Variants in LMX1A observed in about 807,000 individuals in gnomAD.
LMX1A encodes LIM homeobox transcription factor 1-alpha.
In LMX1A, 15 loss-of-function variants were observed where a neutral mutation model predicts 49.1. The ratio of observed to expected loss-of-function variants is 0.31; its 90% confidence interval spans 0.20 to 0.47. The LOEUF (loss-of-function observed/expected upper bound fraction) is 0.47, where lower values mean the gene tolerates loss of function less well. Ranked by LOEUF, LMX1A falls within the 20% of genes least tolerant of loss-of-function variation. The pLI, the probability that LMX1A is intolerant of heterozygous loss-of-function variation, is 1.00. For missense variants in LMX1A, 372 were observed against 475.8 expected (o/e 0.78, Z 2.03); for synonymous variants, 167 against 185.7 (o/e 0.90, Z 0.82).
intron 3 of LMX1A, among the ~76,000 whole-genome samples, chr1:165,319,002 CACA>C (rs1655302038): frequency 2.6e-5 from 1 of 38,678 alleles, no homozygotes; most frequent in Non-Finnish European, 6.2e-5. Flanking sequence ...CTCTCTCTCA[CACA>C]CACACACACA....
chr1:165,343,180 C>T (rs1656130701), intron 3 of LMX1A, among the ~76,000 whole-genome samples: 1 of 152,026 alleles, frequency 6.6e-6, no homozygotes, highest in Non-Finnish European at 1.5e-5. Flanking sequence ...AAAAGTGAAC[C>T]TTTGAGTTTG....
chr1:165,267,484 CAT>C (rs1653661816), intron 3 of LMX1A, among the ~76,000 whole-genome samples: 1 of 152,134 alleles, frequency 6.6e-6, no homozygotes, highest in African/African-American at 2.4e-5. Context: ...CTGCTATGAA[CAT>C]GTGTGCATAT....
intron 3 of LMX1A, among the ~76,000 whole-genome samples, chr1:165,295,883 G>A (rs1010611414): frequency 6.6e-6 from 1 of 152,130 alleles, no homozygotes; most frequent in Non-Finnish European, 1.5e-5. Flanking sequence ...GAACATATGG[G>A]CCTGGAATCT....
chr1:165,207,104 A>C (rs1651117686), intron 7 of LMX1A, among the ~76,000 whole-genome samples: 2 of 152,330 alleles, frequency 1.3e-5, no homozygotes, highest in East Asian at 1.9e-4. Context: ...AAGCTTGTTA[A>C]AAAGGCAGAA....
chr1:165,205,726 T>A, intron 8 of LMX1A, 138 bp downstream of exon 8: 1 of 734,474 alleles, frequency 1.4e-6, no homozygotes, highest in Non-Finnish European at 2.3e-6. Context: ...GTTAGGCGAT[T>A]CTGGCAGTAT....
chr1:165,208,813 A>AT (rs1651222536), intron 6 of LMX1A, among the ~76,000 whole-genome samples: 1 of 150,966 alleles, frequency 6.6e-6, no homozygotes, highest in Non-Finnish European at 1.5e-5. Context: ...CGCCTGGCTA[A>AT]TTTTTTTGTA....
At chr1:165,220,660 T>G (rs1309226596) in intron 4 of LMX1A, among the ~76,000 whole-genome samples, 1 of 152,248 alleles carries the variant, frequency 6.6e-6, no homozygotes, top group Non-Finnish European at 1.5e-5. Context: ...AGGAACAGGC[T>G]GTTTAGCCAG....
At chr1:165,328,872 A>G (rs560962172) in intron 3 of LMX1A, among the ~76,000 whole-genome samples, 2 of 152,326 alleles carry the variant, frequency 1.3e-5, no homozygotes, top group South Asian at 4.1e-4. Flanking sequence ...GAAGCAATTT[A>G]TCTCTCTGGA....
At chr1:165,263,103 G>A (rs35043164) in intron 3 of LMX1A, among the ~76,000 whole-genome samples, 7,428 of 152,210 alleles carry the variant, frequency 0.049, 281 homozygotes, top group East Asian at 0.12. Context: ...ACCATGAAAT[G>A]TTTAGTTCTC....
intron 3 of LMX1A, among the ~76,000 whole-genome samples, chr1:165,329,624 C>A (rs533728125): frequency 6.7e-6 from 1 of 150,044 alleles, no homozygotes; most frequent in East Asian, 2.0e-4. Context: ...CCCCCACCCC[C>A]GCCACTGCAA....
At chr1:165,233,128 C>G (rs4657413) in intron 4 of LMX1A, among the ~76,000 whole-genome samples, 16,089 of 152,236 alleles carry the variant, frequency 0.11, 1,089 homozygotes, top group Admixed American at 0.14. Context: ...TGAAGACTCA[C>G]ACAATTGCAT....
At chr1:165,346,187 GATCT>G (rs1175458155) in intron 3 of LMX1A, among the ~76,000 whole-genome samples, 2 of 152,172 alleles carry the variant, frequency 1.3e-5, no homozygotes, top group African/African-American at 4.8e-5. Context: ...GAGATAGGCA[GATCT>G]ATCTATCACT....
rs1423752667 is a variant in LMX1A at position 165,347,954 on chromosome 1, C to T, written c.263+5122G>A. On this transcript the variant is annotated intron_variant, in intron 3 of 8. Transcript: ENST00000342310. ...TCATTAGAGAAACAGCTCCTGCTCA[C>T]TCTCTCCAAAAACCTTCCCAGAATT... Among the ~76,000 whole-genome samples, 6 of 127,292 alleles carry T rather than the reference C, an allele frequency of 4.7e-5. No homozygotes were observed. In the Admixed American group the frequency reaches 5.2e-4, roughly 11 times the overall value. The allele number at this position is 127,292 out of a possible 152,430, so 83.5% of individuals were successfully genotyped here.
chr1:165,310,686 G>A (rs901888204), intron 3 of LMX1A, among the ~76,000 whole-genome samples: 17 of 152,156 alleles, frequency 1.1e-4, no homozygotes, highest in Non-Finnish European at 8.8e-5. Flanking sequence ...TTTGGGCATC[G>A]CTTCATGTTA....
intron 3 of LMX1A, among the ~76,000 whole-genome samples, chr1:165,301,293 C>G (rs1316872562): frequency 6.6e-6 from 1 of 152,138 alleles, no homozygotes; most frequent in African/African-American, 2.4e-5. Flanking sequence ...GGTTGAATAC[C>G]TGATTGCAGA....
At chr1:165,322,323 G>A (rs1655441387) in intron 3 of LMX1A, among the ~76,000 whole-genome samples, 1 of 152,118 alleles carries the variant, frequency 6.6e-6, no homozygotes, top group Non-Finnish European at 1.5e-5. Context: ...TCCACACCTA[G>A]GCACAGGCCC....
At chr1:165,310,790 C>T (rs1461583419) in intron 3 of LMX1A, among the ~76,000 whole-genome samples, 11 of 152,228 alleles carry the variant, frequency 7.2e-5, no homozygotes, top group Non-Finnish European at 2.9e-5. Context: ...GAGAGCTCAA[C>T]TCTGCTTTCA....
intron 3 of LMX1A, among the ~76,000 whole-genome samples, chr1:165,267,941 C>CA (rs1357261837): frequency 6.6e-5 from 10 of 152,148 alleles, no homozygotes; most frequent in Non-Finnish European, 1.5e-5. Flanking sequence ...AATTGAGTGA[C>CA]AGACAGAGGG....
At chr1:165,283,520 C>T (rs1654213127) in intron 3 of LMX1A, among the ~76,000 whole-genome samples, 1 of 152,184 alleles carries the variant, frequency 6.6e-6, no homozygotes, top group South Asian at 2.1e-4. Context: ...TGTCCTCACA[C>T]TCATCTTCAT....
Sources: allele counts gnomAD v4.1 joint callset (sites outside exome capture counted in the v4.1 genomes callset), GRCh38; gene constraint gnomAD v4.1.1; transcripts MANE v1.5; gene names NCBI Gene and HGNC (gene_info 2026-07-23, HGNC 2026-07-21).